CSMD1: variants seen among roughly 807,000 people sequenced by gnomAD.
The protein encoded by CSMD1 is CUB and sushi domain-containing protein 1.
CSMD1 carries 213 observed loss-of-function variants against 417.5 expected under a neutral mutation model. The ratio of observed to expected loss-of-function variants is 0.51; its 90% CI spans 0.46 to 0.57. The LOEUF is 0.57. Ranked by LOEUF, CSMD1 falls within the 20% of genes least tolerant of loss-of-function variation. The pLI is 0.00. For missense variants in CSMD1, 6,923 were observed against 4,529.7 expected, an observed-to-expected ratio of 1.53 and a Z score of -15.17; for synonymous variants, 2,862 against 1,736.8, an observed-to-expected ratio of 1.65 and a Z score of -16.11.
chr8:3,782,893 AAAAT>A (rs1563074843), intron 5 of CSMD1, among the ~76,000 whole-genome samples: 1 of 152,212 alleles, frequency 6.6e-6, no homozygotes, highest in African/African-American at 2.4e-5. Flanking sequence ...CCATTACCAA[AAAAT>A]AAATAAATAA....
intron 4 of CSMD1, among the ~76,000 whole-genome samples, chr8:4,000,680 T>C (rs1256966385): frequency 4.6e-5 from 7 of 152,234 alleles, no homozygotes; most frequent in East Asian, 3.9e-4. Context: ...AATAACTCTA[T>C]ATAAACATAT....
At chr8:4,628,356 CTATG>C (rs1563348135) in intron 2 of CSMD1, among the ~76,000 whole-genome samples, 1 of 149,274 alleles carries the variant, frequency 6.7e-6, no homozygotes, top group African/African-American at 2.5e-5. Flanking sequence ...ATATATACTT[CTATG>C]TATGTGTGTG....
At chr8:4,544,162 T>C (rs1797534908) in intron 2 of CSMD1, among the ~76,000 whole-genome samples, 1 of 152,316 alleles carries the variant, frequency 6.6e-6, no homozygotes, top group African/African-American at 2.4e-5. Flanking sequence ...GATCACACCT[T>C]TGATGTTGTA....
At chr8:4,823,787 T>C (rs1799653343) in intron 1 of CSMD1, among the ~76,000 whole-genome samples, 1 of 151,656 alleles carries the variant, frequency 6.6e-6, no homozygotes. Flanking sequence ...TGCACAAGTG[T>C]CTCATGGAGT....
At chr8:3,070,150 G>C (rs1051511114) in intron 49 of CSMD1, among the ~76,000 whole-genome samples, 10 of 152,188 alleles carry the variant, frequency 6.6e-5, no homozygotes, top group African/African-American at 2.4e-4. Flanking sequence ...CAGGATTCTA[G>C]GTCTCTGATG....
At chr8:4,343,369 T>C (rs1800590436) in intron 3 of CSMD1, among the ~76,000 whole-genome samples, 1 of 152,022 alleles carries the variant, frequency 6.6e-6, no homozygotes, top group Admixed American at 6.6e-5. Context: ...TGTGACTGAA[T>C]TTAATATTCT....
chr8:3,042,748 A>G (rs2128984593), intron 50 of CSMD1, among the ~76,000 whole-genome samples: 1 of 152,272 alleles, frequency 6.6e-6, no homozygotes, highest in East Asian at 1.9e-4. Flanking sequence ...AAAATGATTA[A>G]AACAGTGCCT....
intron 3 of CSMD1, among the ~76,000 whole-genome samples, chr8:4,222,942 C>T (rs780272127): frequency 8.6e-5 from 13 of 151,892 alleles, no homozygotes; most frequent in Non-Finnish European, 1.6e-4. Flanking sequence ...CCTAAAAAGA[C>T]ATTTCTTAAA....
intron 3 of CSMD1, among the ~76,000 whole-genome samples, chr8:4,161,361 TG>T (rs1797151030): frequency 6.6e-6 from 1 of 152,208 alleles, no homozygotes; most frequent in Admixed American, 6.5e-5. Flanking sequence ...ACTGTAAAAA[TG>T]CAGGCTTTCA....
chr8:3,198,200 T>G (rs1796803745), intron 33 of CSMD1, among the ~76,000 whole-genome samples: 1 of 152,206 alleles, frequency 6.6e-6, no homozygotes, highest in Non-Finnish European at 1.5e-5. Flanking sequence ...GCATGCAATA[T>G]ATTGTCTGAT....
chr8:4,228,663 G>C, intron 3 of CSMD1, among the ~76,000 whole-genome samples: 1 of 147,162 alleles, frequency 6.8e-6, no homozygotes, highest in East Asian at 2.0e-4. Context: ...GATGACTATC[G>C]ATTGTTTTAT....
chr8:3,055,648 A>G lies in CSMD1; in HGVS notation c.7475-3001T>C, dbSNP rs528726515. Reference sequence around the variant, plus strand: ...AATGTAAGAAACTTTCACAGTTTGGAGAATTTCCTTACATTTGGTATATCC... The same window carrying G: ...AATGTAAGAAACTTTCACAGTTTGGGGAATTTCCTTACATTTGGTATATCC... On this transcript the variant is annotated intron_variant, in intron 49 of 69. Coordinates refer to ENST00000635120, the MANE Select transcript of CSMD1 (RefSeq NM_033225.6). 3.9e-5 allele frequency among the ~76,000 whole-genome samples: 6 copies of G among 152,352 alleles called. No individual in the cohort carries two copies. In the East Asian group the frequency reaches 1.2e-3, roughly 29 times the overall value.
At chr8:3,092,132 T>A (rs541512155) in intron 47 of CSMD1, among the ~76,000 whole-genome samples, 10 of 152,162 alleles carry the variant, frequency 6.6e-5, no homozygotes, top group Non-Finnish European at 4.4e-5. Context: ...ATTATTTATA[T>A]AGTGAACATG....
rs926509917 is a variant in CSMD1, at chr8:3,889,643, T to C, written c.818+108260A>G. Among the ~76,000 whole-genome samples, 3 of 151,158 alleles carry C rather than the reference T, an allele frequency of 2.0e-5. No homozygotes were observed. The East Asian group carries it at 5.9e-4, about 30-fold the overall frequency. On this transcript the variant is annotated intron_variant, in intron 5 of 69. Transcript: ENST00000635120. The stretch of plus-strand genomic sequence containing the variant: ...TGACAGTGTGAAGAGGAAATCAAGA[T>C]ACTGGAAGTTGGTCCTATCTACTGT...
intron 3 of CSMD1, among the ~76,000 whole-genome samples, chr8:4,231,701 G>A (rs1356356608): frequency 1.3e-5 from 2 of 152,118 alleles, no homozygotes; most frequent in South Asian, 2.1e-4. Context: ...CAGTTAATAA[G>A]CCAAGTCTTA....
At chr8:3,265,343 C>T (rs10866948) in intron 26 of CSMD1, among the ~76,000 whole-genome samples, 48,762 of 152,026 alleles carry the variant, frequency 0.32, 7,893 homozygotes, top group East Asian at 0.37. Flanking sequence ...TGTGCACGCA[C>T]GATATTCAGC....
chr8:4,216,848 G>A (rs559200265), intron 3 of CSMD1, among the ~76,000 whole-genome samples: 6 of 152,290 alleles, frequency 3.9e-5, no homozygotes, highest in Non-Finnish European at 8.8e-5. Context: ...TGGGGTGTCA[G>A]ACCCACACCA....
intron 3 of CSMD1, among the ~76,000 whole-genome samples, chr8:4,382,796 G>C (rs900930202): frequency 1.3e-5 from 2 of 152,178 alleles, no homozygotes; most frequent in Non-Finnish European, 2.9e-5. Context: ...TGGCCCCTCA[G>C]TGTCAGATGC....
At chr8:3,828,764 C>G (rs1356171217) in intron 5 of CSMD1, among the ~76,000 whole-genome samples, 1 of 152,080 alleles carries the variant, frequency 6.6e-6, no homozygotes, top group African/African-American at 2.4e-5. Flanking sequence ...TCAGTGAGGT[C>G]CTGTCACTTC....
Sources: gnomAD v4.1 joint callset for allele counts (sites outside exome capture counted in the v4.1 genomes callset) on GRCh38, gnomAD v4.1.1 for gene constraint, MANE v1.5 for transcripts, NCBI Gene and HGNC (gene_info 2026-07-23, HGNC 2026-07-21) for gene names.